The following ADGRB3 variants were observed in gnomAD, a reference collection of about 807,000 sequenced individuals.
The protein encoded by ADGRB3 is brain-specific angiogenesis inhibitor 3.
ADGRB3 carries 37 observed loss-of-function variants against 193.4 expected under a neutral mutation model. That is an observed-to-expected ratio of 0.19 (90% CI 0.15 to 0.25). The LOEUF is 0.25. Among genes scored for constraint, ADGRB3 ranks in the 10% least tolerant of loss-of-function variants. The pLI, the probability that ADGRB3 is intolerant of heterozygous loss-of-function variation, is 1.00. For missense variants in ADGRB3, 1,637 were observed against 1,852.9 expected, an observed-to-expected ratio of 0.88 and a Z score of 2.14; for synonymous variants, 690 against 644.2, an observed-to-expected ratio of 1.07 and a Z score of -1.08.
chr6:69,273,791 A>G (rs1767231486), intron 20 of ADGRB3, among the ~76,000 whole-genome samples: 1 of 152,206 alleles, frequency 6.6e-6, no homozygotes, highest in Non-Finnish European at 1.5e-5. Context: ...TGCTAGTGGG[A>G]GAGGGGATCT....
intron 3 of ADGRB3, among the ~76,000 whole-genome samples, chr6:68,893,331 G>T (rs2342760): frequency 0.68 from 103,869 of 151,772 alleles, 36,141 homozygotes; most frequent in Middle Eastern, 0.81. Flanking sequence ...TAATAAAATT[G>T]TATTTCACTA....
chr6:69,341,535 T>C (rs1164975454), intron 26 of ADGRB3, among the ~76,000 whole-genome samples: 1 of 152,156 alleles, frequency 6.6e-6, no homozygotes, highest in Non-Finnish European at 1.5e-5. Flanking sequence ...TTTTAGCATT[T>C]AAAAAGTCTG....
At chr6:69,208,214 C>T (rs934443142) in intron 17 of ADGRB3, among the ~76,000 whole-genome samples, 3 of 152,150 alleles carry the variant, frequency 2.0e-5, no homozygotes, top group Non-Finnish European at 2.9e-5. Flanking sequence ...GTCCAGAGAA[C>T]GGGTCATTTT....
intron 26 of ADGRB3, among the ~76,000 whole-genome samples, chr6:69,341,117 T>C (rs1768965333): frequency 6.6e-6 from 1 of 152,220 alleles, no homozygotes; most frequent in South Asian, 2.1e-4. Context: ...GTATAATCCT[T>C]TGGGTATATA....
At chr6:68,886,275 C>G (rs1303658079) in intron 3 of ADGRB3, among the ~76,000 whole-genome samples, 2 of 151,936 alleles carry the variant, frequency 1.3e-5, no homozygotes, top group Non-Finnish European at 2.9e-5. Flanking sequence ...AATATTTTAC[C>G]TAAAGTACAG....
At position 68,997,488 on chromosome 6, in the gene ADGRB3, C is replaced by CAAAA. The variant is rs748557247; in HGVS notation, c.1929+3544_1929+3547dup. On this transcript the variant is annotated intron_variant, in intron 11 of 31. Coordinates refer to ENST00000370598, the MANE Select transcript of ADGRB3 (RefSeq NM_001704.3). ...TGAAACCCTGTTGCTACTAAAAATA[C>CAAAA]AAAAAAAAAAAAAAAAAAAAAGCAG... Among the ~76,000 whole-genome samples the CAAAA allele has an allele frequency of 1.9e-3, 97 of 52,162 alleles. 2 individuals carry two copies. The highest frequency in any genetic ancestry group is 3.1e-3 in the African/African-American group (51 of 16,334). 34.2% of individuals were successfully genotyped at this position (52,162 alleles called of 152,430 possible).
At chr6:68,719,846 A>C (rs1271708914) in intron 3 of ADGRB3, among the ~76,000 whole-genome samples, 1 of 151,722 alleles carries the variant, frequency 6.6e-6, no homozygotes, top group Non-Finnish European at 1.5e-5. Flanking sequence ...ATTGCTTCAC[A>C]TAGAAATTCT....
At chr6:68,677,962 A>AT (rs1169445253) in intron 3 of ADGRB3, among the ~76,000 whole-genome samples, 3 of 151,932 alleles carry the variant, frequency 2.0e-5, no homozygotes, top group African/African-American at 7.3e-5. Context: ...TTTTTTTTTA[A>AT]TTTGATGAGA....
intron 3 of ADGRB3, among the ~76,000 whole-genome samples, chr6:68,908,179 G>A (rs1766600828): frequency 6.6e-6 from 1 of 151,906 alleles, no homozygotes; most frequent in African/African-American, 2.4e-5. Flanking sequence ...ATTTGCTACA[G>A]TTTTTCTGCT....
intron 20 of ADGRB3, among the ~76,000 whole-genome samples, chr6:69,264,394 A>G (rs1766991277): frequency 6.6e-6 from 1 of 151,838 alleles, no homozygotes; most frequent in Non-Finnish European, 1.5e-5. Flanking sequence ...TATTCTTTCT[A>G]ATTCCTCCTC....
chr6:68,788,356 C>A (rs1582202608), intron 3 of ADGRB3, among the ~76,000 whole-genome samples: 1 of 151,972 alleles, frequency 6.6e-6, no homozygotes, highest in Admixed American at 6.6e-5. Flanking sequence ...TATGTTGTGT[C>A]TTTGTTCTCG....
intron 3 of ADGRB3, among the ~76,000 whole-genome samples, chr6:68,813,974 C>T (rs1237794927): frequency 6.6e-6 from 1 of 152,160 alleles, no homozygotes; most frequent in African/African-American, 2.4e-5. Flanking sequence ...CATTTGGGTT[C>T]ATTCTAAGTC....
At chr6:68,966,374 A>G (rs1768381467) in intron 8 of ADGRB3, among the ~76,000 whole-genome samples, 1 of 152,090 alleles carries the variant, frequency 6.6e-6, no homozygotes, top group Admixed American at 6.6e-5. Flanking sequence ...CCTTGCCCCT[A>G]ATATAAAGTC....
intron 17 of ADGRB3, among the ~76,000 whole-genome samples, chr6:69,188,170 C>A (rs1185479704): frequency 6.6e-6 from 1 of 151,986 alleles, no homozygotes; most frequent in Non-Finnish European, 1.5e-5. Context: ...ATTAATCATT[C>A]CAATAAAACT....
At chr6:69,221,574 T>C (rs1345411487) in intron 17 of ADGRB3, among the ~76,000 whole-genome samples, 1 of 152,124 alleles carries the variant, frequency 6.6e-6, no homozygotes, top group Non-Finnish European at 1.5e-5. Flanking sequence ...CCTAACATCT[T>C]ATTGTTTTAT....
chr6:69,340,181 AG>A (rs1768945886), intron 26 of ADGRB3, among the ~76,000 whole-genome samples: 1 of 152,206 alleles, frequency 6.6e-6, no homozygotes, highest in Non-Finnish European at 1.5e-5. Flanking sequence ...TGTCAGTAGT[AG>A]GGGAAGAAAT....
intron 17 of ADGRB3, among the ~76,000 whole-genome samples, chr6:69,214,879 A>G (rs1765744030): frequency 6.6e-6 from 1 of 152,068 alleles, no homozygotes; most frequent in African/African-American, 2.4e-5. Flanking sequence ...TACAAATTGA[A>G]AAAGTAGGGA....
At chr6:68,719,847 T>C (rs1200621737) in intron 3 of ADGRB3, among the ~76,000 whole-genome samples, 1 of 151,618 alleles carries the variant, frequency 6.6e-6, no homozygotes, top group Non-Finnish European at 1.5e-5. Flanking sequence ...TTGCTTCACA[T>C]AGAAATTCTA....
chr6:69,039,322 G>A (rs1416868511), intron 13 of ADGRB3, among the ~76,000 whole-genome samples: 1 of 151,826 alleles, frequency 6.6e-6, no homozygotes, highest in Non-Finnish European at 1.5e-5. Flanking sequence ...CCTTGAAGTT[G>A]TGAAGAAGAA....
Sources: allele counts gnomAD v4.1 joint callset (sites outside exome capture counted in the v4.1 genomes callset), GRCh38; gene constraint gnomAD v4.1.1; transcripts MANE v1.5; gene names NCBI Gene and HGNC (gene_info 2026-07-23, HGNC 2026-07-21).